The following CYRIA variants were observed in gnomAD, a reference collection of about 807,000 sequenced individuals.
The protein encoded by CYRIA is CYFIP-related Rac1 interactor A.
Under a neutral mutation model 43.9 loss-of-function variants are expected in CYRIA, and 15 were observed. That is an observed-to-expected ratio of 0.34 (90% CI 0.23 to 0.53). CYRIA has a LOEUF of 0.53. Among genes scored for constraint, CYRIA ranks in the 20% least tolerant of loss-of-function variants. The pLI, the probability that CYRIA is intolerant of heterozygous loss-of-function variation, is 0.94. For synonymous variants in CYRIA, 117 were observed against 136.0 expected (o/e 0.86, Z 0.97); for missense variants, 236 against 394.2 (o/e 0.60, Z 3.40).
At position 16,621,390 on chromosome 2, in the gene CYRIA, T is replaced by C. The variant is rs113235284; in HGVS notation, c.-11+2474A>G. ...AAGAAACCTTGATAGCACCAGGCCA[T>C]GGAGTCCTAAGAATGGGGCCCAGAC... On this transcript the variant is annotated intron_variant, in intron 2 of 11. Transcript: ENST00000381323. Among the ~76,000 whole-genome samples the C allele has an allele frequency of 4.8e-3, 727 of 152,282 alleles. 6 individuals are homozygous for C. Among genetic ancestry groups the C allele is most frequent in the African/African-American group, 0.015 (634 of 41,560 alleles).
intron 2 of CYRIA, among the ~76,000 whole-genome samples, chr2:16,604,487 A>G (rs1668320177): frequency 6.6e-6 from 1 of 152,226 alleles, no homozygotes; most frequent in African/African-American, 2.4e-5. Flanking sequence ...TGACTCAGAC[A>G]CGCTTTCTCC....
chr2:16,647,909 C>A lies in CYRIA; in HGVS notation c.-167+17871G>T, dbSNP rs575521968. 5.3e-5 allele frequency among the ~76,000 whole-genome samples: 8 copies of A among 152,300 alleles called. No individual in the cohort carries two copies. The East Asian group carries it at 1.4e-3, about 26-fold the overall frequency. On this transcript the variant is annotated intron_variant, in intron 1 of 11. Coordinates refer to ENST00000381323, the MANE Select transcript of CYRIA (RefSeq NM_030797.4). ...TTCCAATGAGCAATACTCTGAGAGG[C>A]TCCTGTTGGAGCCACCACTACAGTA...
chr2:16,584,926 C>A (rs1325965042), intron 3 of CYRIA, among the ~76,000 whole-genome samples: 1 of 152,172 alleles, frequency 6.6e-6, no homozygotes, highest in African/African-American at 2.4e-5. Flanking sequence ...TCCTTCCTTA[C>A]TGTCATGCCA....
chr2:16,561,386 C>A, intron 7 of CYRIA, 70 bp downstream of exon 7: 1 of 1,509,504 alleles, frequency 6.6e-7, no homozygotes, highest in Non-Finnish European at 9.2e-7. Flanking sequence ...TCTGTCTGTG[C>A]TCTGCCTGAT....
chr2:16,563,929 A>T, intron 5 of CYRIA, 60 bp downstream of exon 5: 1 of 1,268,368 alleles, frequency 7.9e-7, no homozygotes, highest in Non-Finnish European at 1.1e-6. Flanking sequence ...CCCACTACCT[A>T]CTCAAACATC....
chr2:16,630,821 A>G (rs1230785943), intron 1 of CYRIA, among the ~76,000 whole-genome samples: 1 of 152,182 alleles, frequency 6.6e-6, no homozygotes, highest in African/African-American at 2.4e-5. Context: ...CTTCCCATCC[A>G]CGGCTCCAAC....
At chr2:16,588,176 A>T in intron 2 of CYRIA, 47 bp from the exon 3 acceptor site, 1 of 1,315,594 alleles carries the variant, frequency 7.6e-7, no homozygotes, top group African/African-American at 1.5e-5. Context: ...ACATAAAAAA[A>T]ATAGACTTGC....
intron 6 of CYRIA, 69 bp from the exon 7 acceptor site, chr2:16,561,602 C>G (rs1317508070): frequency 1.7e-6 from 2 of 1,172,114 alleles, no homozygotes; most frequent in Non-Finnish European, 2.6e-6. Flanking sequence ...TTAGGAGGAG[C>G]CCAGACACTA....
chr2:16,639,973 T>C (rs557510383), intron 1 of CYRIA, among the ~76,000 whole-genome samples: 1 of 152,362 alleles, frequency 6.6e-6, no homozygotes, highest in African/African-American at 2.4e-5. Context: ...TTTTATTTTA[T>C]TTTTTATCTT....
At position 16,610,897 on chromosome 2, in the gene CYRIA, C is replaced by CATATATATATAT. The variant is rs60848949; in HGVS notation, c.-11+12955_-11+12966dup. On this transcript the variant is annotated intron_variant, in intron 2 of 11. Coordinates refer to ENST00000381323, the MANE Select transcript of CYRIA (RefSeq NM_030797.4). ...TAGGATTGACTTCTTTTAGTCCCAA[C>CATATATATATAT]ATATATATATATATATATATATATA... Among the ~76,000 whole-genome samples the CATATATATATAT allele has an allele frequency of 9.2e-3, 843 of 92,004 alleles. 39 individuals carry two copies. Among genetic ancestry groups the CATATATATATAT allele is most frequent in the Non-Finnish European group, 0.011 (463 of 43,146 alleles). The allele number at this position is 92,004 out of a possible 152,430, so 60.4% of individuals were successfully genotyped here.
chr2:16,567,746 C>A lies in CYRIA; in HGVS notation c.71-1979G>T, dbSNP rs112694889. ...TAGGTCCTCATAGGTTATCCAGAAA[C>A]TTTGCAAACTATACATTCAAAGAAT... is the stretch of plus-strand genomic sequence containing the variant. On this transcript the variant is annotated intron_variant, in intron 3 of 11. Coordinates refer to ENST00000381323, the MANE Select transcript of CYRIA (RefSeq NM_030797.4). 4.8e-3 allele frequency among the ~76,000 whole-genome samples: 735 copies of A among 152,262 alleles called. 8 individuals carry two copies. The highest frequency in any genetic ancestry group is 0.016 in the African/African-American group (659 of 41,540).
At chr2:16,643,561 G>T (rs1036881396) in intron 1 of CYRIA, among the ~76,000 whole-genome samples, 1 of 152,176 alleles carries the variant, frequency 6.6e-6, no homozygotes, top group Non-Finnish European at 1.5e-5. Flanking sequence ...ACTAAAGTTG[G>T]TTAATAATTG....
chr2:16,564,993 T>C (rs1227155561), intron 4 of CYRIA, among the ~76,000 whole-genome samples: 2 of 152,194 alleles, frequency 1.3e-5, no homozygotes. Context: ...ATGGTTCATA[T>C]TTCAACTGTT....
intron 1 of CYRIA, among the ~76,000 whole-genome samples, chr2:16,630,597 T>C (rs1669300458): frequency 6.6e-6 from 1 of 152,166 alleles, no homozygotes; most frequent in African/African-American, 2.4e-5. Context: ...ACCAAGCTTT[T>C]CGATGAGTTC....
rs558525088 is a variant in CYRIA at position 16,561,392 on chromosome 2, C to T, written c.513+64G>A. 3.9e-6 allele frequency: 6 copies of T among 1,524,394 alleles called. No individual in the cohort carries two copies. In the African/African-American group the frequency reaches 6.8e-5, roughly 17 times the overall value. 94.4% of individuals were successfully genotyped at this position (1,524,394 alleles called of 1,614,324 possible). ...ACATTGTCTTCTGTCTGTGCTCTGC[C>T]TGATGCAGAAATCAAAAGAGTCATG... On this transcript the variant is annotated intron_variant, in intron 7 of 11. Coordinates refer to ENST00000381323, the MANE Select transcript of CYRIA (RefSeq NM_030797.4).
At chr2:16,630,981 C>T (rs922502365) in intron 1 of CYRIA, among the ~76,000 whole-genome samples, 2 of 152,150 alleles carry the variant, frequency 1.3e-5, no homozygotes, top group African/African-American at 2.4e-5. Flanking sequence ...GCCTGACCAC[C>T]CCCAGGTGAT....
At chr2:16,648,162 T>G (rs16982644) in intron 1 of CYRIA, among the ~76,000 whole-genome samples, 1 of 152,134 alleles carries the variant, frequency 6.6e-6, no homozygotes, top group Non-Finnish European at 1.5e-5. Flanking sequence ...CCCAGGTGGT[T>G]TTATCTATCT....
chr2:16,574,549 C>T (rs113817258), intron 3 of CYRIA, among the ~76,000 whole-genome samples: 13,232 of 152,202 alleles, frequency 0.087, 1,712 homozygotes, highest in African/African-American at 0.28. Context: ...AATGGTTTTG[C>T]GGGCCAGGCC....
chr2:16,572,473 G>A (rs115761978), intron 3 of CYRIA, among the ~76,000 whole-genome samples: 1 of 152,036 alleles, frequency 6.6e-6, no homozygotes, highest in African/African-American at 2.4e-5. Context: ...CTTCTTCCAA[G>A]ATTATCAAGC....
Sources: allele counts gnomAD v4.1 joint callset (sites outside exome capture counted in the v4.1 genomes callset), GRCh38; gene constraint gnomAD v4.1.1; transcripts MANE v1.5; gene names NCBI Gene and HGNC (gene_info 2026-07-23, HGNC 2026-07-21).